The following ZFPM2 variants were observed in gnomAD, a reference collection of about 807,000 sequenced individuals.
ZFPM2 encodes zinc finger protein ZFPM2.
Under a neutral mutation model 98.6 loss-of-function variants are expected in ZFPM2, and 20 were observed. That is an observed-to-expected ratio of 0.20 (90% CI 0.14 to 0.29). The LOEUF (loss-of-function observed/expected upper bound fraction) is 0.29, where lower values mean the gene tolerates loss of function less well. Among genes scored for constraint, ZFPM2 ranks in the 10% least tolerant of loss-of-function variants. The probability of loss-of-function intolerance (pLI) is 1.00; values close to 1 mark genes in which losing one functional copy is unlikely to be tolerated. For synonymous variants in ZFPM2, 518 were observed against 502.7 expected (o/e 1.03, Z -0.41); for missense variants, 1,310 against 1,388.6 (o/e 0.94, Z 0.90).
chr8:105,557,632 T>C (rs190778611), intron 3 of ZFPM2, among the ~76,000 whole-genome samples: 1 of 152,292 alleles, frequency 6.6e-6, no homozygotes, highest in East Asian at 1.9e-4. Context: ...AGGTTCAGGC[T>C]TGTTTTGTTT....
chr8:105,485,785 T>C (rs1813219734), intron 3 of ZFPM2, among the ~76,000 whole-genome samples: 4 of 152,204 alleles, frequency 2.6e-5, no homozygotes, highest in Admixed American at 2.6e-4. Context: ...TGTAGAACTT[T>C]GATAGTTAAG....
At chr8:105,579,119 T>G (rs1815530315) in intron 4 of ZFPM2, among the ~76,000 whole-genome samples, 1 of 152,182 alleles carries the variant, frequency 6.6e-6, no homozygotes, top group Admixed American at 6.5e-5. Flanking sequence ...TGCTACAATT[T>G]TTTAAAAAAT....
chr8:105,398,341 A>G (rs1330377187), intron 1 of ZFPM2, among the ~76,000 whole-genome samples: 1 of 152,224 alleles, frequency 6.6e-6, no homozygotes, highest in African/African-American at 2.4e-5. Context: ...TCAGTGATAC[A>G]GATTTACAGA....
chr8:105,758,395 A>G (rs1014870373), intron 5 of ZFPM2, among the ~76,000 whole-genome samples: 6 of 152,112 alleles, frequency 3.9e-5, no homozygotes, highest in African/African-American at 1.4e-4. Context: ...AGGTATTTTT[A>G]TATAATAGCT....
chr8:105,504,760 C>T (rs183210557), intron 3 of ZFPM2, among the ~76,000 whole-genome samples: 1 of 152,182 alleles, frequency 6.6e-6, no homozygotes, highest in Non-Finnish European at 1.5e-5. Context: ...AATAGATGTG[C>T]TTATGTTAAC....
At position 105,653,854 on chromosome 8, in the gene ZFPM2, C is replaced by CTTTTTTTTTTTTTTTTT. The variant is rs60218363; in HGVS notation, c.532+19514_532+19530dup. 2.3e-4 allele frequency among the ~76,000 whole-genome samples: 8 copies of CTTTTTTTTTTTTTTTTT among 35,260 alleles called. 1 individual carries two copies. The highest frequency in any genetic ancestry group is 3.9e-4 in the Non-Finnish European group (8 of 20,358). 23.1% of individuals were successfully genotyped at this position (35,260 alleles called of 152,430 possible). On this transcript the variant is annotated intron_variant, in intron 5 of 7. Transcript: ENST00000407775. ...CTTTATACAACAGCTTGTGTGCTAT[C>CTTTTTTTTTTTTTTTTT]TTTTTTTTTTTTTTTTTTTTTTTTT...
chr8:105,776,703 C>A (rs1813114099), intron 5 of ZFPM2, among the ~76,000 whole-genome samples: 1 of 152,128 alleles, frequency 6.6e-6, no homozygotes, highest in Non-Finnish European at 1.5e-5. Context: ...AGCTCCTAAA[C>A]TAGTTATTTT....
intron 3 of ZFPM2, among the ~76,000 whole-genome samples, chr8:105,494,203 AT>A (rs1813414433): frequency 1.6e-5 from 2 of 124,354 alleles, no homozygotes; most frequent in Admixed American, 7.8e-5. Context: ...ATATATATAT[AT>A]ATATATATAT....
At chr8:105,753,381 C>T (rs1317420749) in intron 5 of ZFPM2, among the ~76,000 whole-genome samples, 2 of 152,078 alleles carry the variant, frequency 1.3e-5, no homozygotes, top group Admixed American at 6.6e-5. Flanking sequence ...AGGCAGTTCA[C>T]ACACCTCACC....
In ZFPM2 at chr8:105,566,927, A is replaced by G. The variant is rs573044843; in HGVS notation, c.420+5446A>G. ...ATACTGAATTTTTTTTAAAAAAATG[A>G]AATATACATATAAAGGGCACTATAG... On this transcript the variant is annotated intron_variant, in intron 4 of 7. Transcript: ENST00000407775. 3.3e-5 allele frequency among the ~76,000 whole-genome samples: 5 copies of G among 152,298 alleles called. No individual in the cohort carries two copies. The South Asian group carries it at 1.0e-3, about 32-fold the overall frequency.
At chr8:105,322,313 A>G (rs1190847021) in intron 1 of ZFPM2, among the ~76,000 whole-genome samples, 2 of 152,068 alleles carry the variant, frequency 1.3e-5, no homozygotes, top group Non-Finnish European at 2.9e-5. Flanking sequence ...TGATTAGTAA[A>G]TGTGTTGTGT....
intron 3 of ZFPM2, among the ~76,000 whole-genome samples, chr8:105,516,949 G>A (rs1813936929): frequency 6.6e-6 from 1 of 152,232 alleles, no homozygotes; most frequent in South Asian, 2.1e-4. Context: ...TGCGTCTATA[G>A]CTCTTGCTCT....
At chr8:105,489,898 C>T (rs1477026347) in intron 3 of ZFPM2, among the ~76,000 whole-genome samples, 2 of 152,060 alleles carry the variant, frequency 1.3e-5, no homozygotes, top group African/African-American at 4.8e-5. Flanking sequence ...AAAGGGGACT[C>T]ACAACTAATT....
chr8:105,761,698 G>A (rs1414671378), intron 5 of ZFPM2, among the ~76,000 whole-genome samples: 1 of 151,800 alleles, frequency 6.6e-6, no homozygotes, highest in Non-Finnish European at 1.5e-5. Flanking sequence ...ACAGACTTTT[G>A]TGTATTGCTT....
chr8:105,547,890 C>A (rs1027960017), intron 3 of ZFPM2, among the ~76,000 whole-genome samples: 6 of 152,112 alleles, frequency 3.9e-5, no homozygotes, highest in Admixed American at 3.3e-4. Context: ...TGCAGTTTTA[C>A]AAATATCCTT....
At chr8:105,647,782 G>A (rs1817080089) in intron 5 of ZFPM2, among the ~76,000 whole-genome samples, 2 of 152,122 alleles carry the variant, frequency 1.3e-5, no homozygotes, top group Admixed American at 6.6e-5. Flanking sequence ...TATCATTGAT[G>A]GACATTTGGC....
At chr8:105,386,711 CCTG>C (rs1339023656) in intron 1 of ZFPM2, among the ~76,000 whole-genome samples, 6 of 152,118 alleles carry the variant, frequency 3.9e-5, no homozygotes, top group African/African-American at 1.4e-4. Flanking sequence ...GCTGGGGCAG[CCTG>C]CTTTTAGTCT....
intron 2 of ZFPM2, among the ~76,000 whole-genome samples, chr8:105,436,307 G>C (rs1228124908): frequency 6.6e-6 from 1 of 152,056 alleles, no homozygotes; most frequent in Non-Finnish European, 1.5e-5. Context: ...GTCACCTGAG[G>C]TCGGGAGTTC....
At chr8:105,523,300 C>A (rs1814102380) in intron 3 of ZFPM2, among the ~76,000 whole-genome samples, 1 of 152,062 alleles carries the variant, frequency 6.6e-6, no homozygotes, top group African/African-American at 2.4e-5. Context: ...ATACCAGTAC[C>A]CCAGAGAATG....
Sources: gnomAD v4.1 joint callset for allele counts (sites outside exome capture counted in the v4.1 genomes callset) on GRCh38, gnomAD v4.1.1 for gene constraint, MANE v1.5 for transcripts, NCBI Gene and HGNC (gene_info 2026-07-23, HGNC 2026-07-21) for gene names.